The following SPATA22 variants were observed in gnomAD, a reference collection of about 807,000 sequenced individuals.
SPATA22 encodes the protein spermatogenesis associated 22.
In SPATA22, 29 loss-of-function variants were observed where a neutral mutation model predicts 47.8. The ratio of observed to expected loss-of-function variants is 0.61; its 90% CI spans 0.45 to 0.83. The LOEUF is 0.83. Among genes scored for constraint, SPATA22 ranks in the 40% least tolerant of loss-of-function variants. The pLI, the probability that SPATA22 is intolerant of heterozygous loss-of-function variation, is 0.00. For synonymous variants in SPATA22, 133 were observed against 140.9 expected (o/e 0.94, Z 0.40); for missense variants, 410 against 421.7 (o/e 0.97, Z 0.24).
At chr17:3,492,301 G>C (rs1252244853) in intron 1 of SPATA22, among the ~76,000 whole-genome samples, 1 of 152,216 alleles carries the variant, frequency 6.6e-6, no homozygotes, top group African/African-American at 2.4e-5. Flanking sequence ...CTCAAACATA[G>C]ATGGAAGTTA....
At chr17:3,443,149 C>T in intron 8 of SPATA22, 25 bp downstream of exon 8, 1 of 1,514,804 alleles carries the variant, frequency 6.6e-7, no homozygotes, top group Non-Finnish European at 9.1e-7. Flanking sequence ...ATAGGCTTCG[C>T]AAAGAGTACT....
intron 5 of SPATA22, among the ~76,000 whole-genome samples, chr17:3,461,751 T>C (rs2073130653): frequency 6.6e-6 from 1 of 152,222 alleles, no homozygotes; most frequent in South Asian, 2.1e-4. Flanking sequence ...ATTAACTTCA[T>C]ATGGTTGTTG....
chr17:3,500,544 C>T (rs1223937746), intron 1 of SPATA22: 3 of 151,984 alleles, frequency 2.0e-5, no homozygotes, highest in Non-Finnish European at 2.9e-5. Context: ...GCTCTGTCGT[C>T]CAGGCTGGAG....
chr17:3,482,806 A>G (rs1334346229), intron 1 of SPATA22, among the ~76,000 whole-genome samples: 2 of 143,114 alleles, frequency 1.4e-5, no homozygotes, highest in African/African-American at 4.9e-5. Flanking sequence ...TATTACTATT[A>G]TACTTTAAGT....
intron 1 of SPATA22, chr17:3,510,933 G>A (rs1176496934): frequency 6.6e-6 from 1 of 152,236 alleles, no homozygotes; most frequent in Non-Finnish European, 1.5e-5. Context: ...ATCCCAGGGA[G>A]GAAGGTTAAG....
At chr17:3,467,671 C>G (rs374091783) in intron 2 of SPATA22, 117 bp from the exon 3 acceptor site, 1 of 689,766 alleles carries the variant, frequency 1.4e-6, no homozygotes, top group Admixed American at 4.1e-5. Flanking sequence ...TGCTAATATA[C>G]TTATAGATTT....
rs946640231 is a variant in SPATA22, at chr17:3,456,418, A to T, written c.329+6065T>A. ...ACTACCATCAGAGAATACTACAAAC[A>T]TCTCTACACAAATAAACTAGAAAAT... On this transcript the variant is annotated intron_variant, in intron 5 of 8. Transcript: ENST00000572969. Among the ~76,000 whole-genome samples the T allele has an allele frequency of 4.9e-5, 7 of 143,874 alleles. 2 individuals are homozygous for T. Among genetic ancestry groups the T allele is most frequent in the Non-Finnish European group, 1.1e-4 (7 of 65,896 alleles). The allele number at this position is 143,874 out of a possible 152,430, so 94.4% of individuals were successfully genotyped here.
At chr17:3,471,080 G>A (rs1334796365) in intron 1 of SPATA22, among the ~76,000 whole-genome samples, 6 of 151,874 alleles carry the variant, frequency 4.0e-5, no homozygotes, top group Non-Finnish European at 5.9e-5. Flanking sequence ...ACTTGAACCC[G>A]GGAGGCGGAG....
At chr17:3,506,382 C>CAA (rs1360922036) in intron 1 of SPATA22, among the ~76,000 whole-genome samples, 1 of 152,164 alleles carries the variant, frequency 6.6e-6, no homozygotes, top group Non-Finnish European at 1.5e-5. Flanking sequence ...AAGTTTCCCC[C>CAA]ATTCTGCCAA....
chr17:3,471,586 G>A (rs759553659), intron 1 of SPATA22, 96 bp downstream of exon 1: 5 of 985,022 alleles, frequency 5.1e-6, no homozygotes, highest in East Asian at 1.1e-4. Context: ...TCCTGACCGC[G>A]GTGGGAGAGA....
At chr17:3,446,956 C>A (rs1226226632) in intron 6 of SPATA22, among the ~76,000 whole-genome samples, 1 of 152,084 alleles carries the variant, frequency 6.6e-6, no homozygotes, top group Non-Finnish European at 1.5e-5. Flanking sequence ...AGGGAAGGAG[C>A]CAGACACATT....
At position 3,488,284 on chromosome 17, in the gene SPATA22, GCCACA is replaced by G. The variant is rs1198197857; in HGVS notation, c.-73-18891_-73-18887del. ...TAGATGTAAGGATGGATGCTTAACA[GCCACA>G]CAAAGTAGACCTAATAGTACAGGCA... On this transcript the variant is annotated intron_variant, in intron 1 of 8. Coordinates refer to the SPATA22 transcript ENST00000541913. This position sits in a 1 kb window ranked among gnomAD's most constrained non-coding sequence, Gnocchi z 6.1. Among the ~76,000 whole-genome samples the G allele has an allele frequency of 6.6e-6, 1 of 152,196 alleles. No homozygotes were observed. Among genetic ancestry groups the G allele is most frequent in the Non-Finnish European group, 1.5e-5 (1 of 68,030 alleles).
At chr17:3,491,753 A>T (rs113502052) in intron 1 of SPATA22, among the ~76,000 whole-genome samples, 1 of 149,798 alleles carries the variant, frequency 6.7e-6, no homozygotes. Context: ...CTCAAAAAAA[A>T]AAAAGAAAGA....
chr17:3,476,923 A>C (rs1479047060), intron 1 of SPATA22, among the ~76,000 whole-genome samples: 1 of 152,212 alleles, frequency 6.6e-6, no homozygotes, highest in Non-Finnish European at 1.5e-5. Context: ...TGGGAGGCCG[A>C]GGCAGGCGGA....
At chr17:3,508,264 G>A (rs991607629) in intron 1 of SPATA22, among the ~76,000 whole-genome samples, 1 of 151,252 alleles carries the variant, frequency 6.6e-6, no homozygotes, top group African/African-American at 2.4e-5. Flanking sequence ...GTGCTGGAGA[G>A]GATGTGGAGA....
intron 7 of SPATA22, among the ~76,000 whole-genome samples, chr17:3,446,023 C>T (rs1037722169): frequency 6.6e-6 from 1 of 152,068 alleles, no homozygotes; most frequent in African/African-American, 2.4e-5. Context: ...TTTCCAACTT[C>T]TCAAAGATGC....
chr17:3,494,680 C>T (rs2073880948), intron 1 of SPATA22, among the ~76,000 whole-genome samples: 1 of 152,080 alleles, frequency 6.6e-6, no homozygotes, highest in Admixed American at 6.5e-5. Flanking sequence ...GGCCTGCACG[C>T]TCAATGGAAT....
At chr17:3,477,753 C>T (rs541321193) in intron 1 of SPATA22, among the ~76,000 whole-genome samples, 3 of 152,226 alleles carry the variant, frequency 2.0e-5, no homozygotes, top group East Asian at 3.9e-4. Flanking sequence ...CGCGCTGGGC[C>T]GCTTTTTTTC....
intron 2 of SPATA22, chr17:3,468,818 C>T: frequency 1.7e-6 from 1 of 593,256 alleles, no homozygotes; most frequent in African/African-American, 2.0e-5. Context: ...AGTTAATCCA[C>T]CATAAATAAT....
Sources: allele counts gnomAD v4.1 joint callset (sites outside exome capture counted in the v4.1 genomes callset), GRCh38; gene constraint gnomAD v4.1.1; non-coding constraint Gnocchi (gnomAD v3.1); transcripts MANE v1.5; gene names NCBI Gene and HGNC (gene_info 2026-07-23, HGNC 2026-07-21).